NAALADL2: variants seen among roughly 807,000 people sequenced by gnomAD.
NAALADL2 encodes N-acetylated alpha-linked acidic dipeptidase like 2.
NAALADL2 carries 76 observed loss-of-function variants against 87.2 expected under a neutral mutation model. The observed-to-expected ratio is 0.87, with a 90% CI of 0.72 to 1.05. The LOEUF (loss-of-function observed/expected upper bound fraction) is 1.05. Among genes scored for constraint, NAALADL2 ranks in the 50% least tolerant of loss-of-function variants. NAALADL2 has a pLI of 0.00. For missense variants in NAALADL2, 1,089 were observed against 945.8 expected (o/e 1.15, Z -1.99); for synonymous variants, 354 against 331.0 (o/e 1.07, Z -0.75).
At chr3:174,443,859 A>G (rs907476030) in intron 1 of NAALADL2, among the ~76,000 whole-genome samples, 12 of 145,908 alleles carry the variant, frequency 8.2e-5, no homozygotes, top group Non-Finnish European at 1.6e-5. Context: ...AAAGATGAGG[A>G]TTGAGAATTA....
intron 2 of NAALADL2, among the ~76,000 whole-genome samples, chr3:174,599,435 C>G (rs1394392107): frequency 1.3e-5 from 2 of 151,938 alleles, no homozygotes; most frequent in Non-Finnish European, 2.9e-5. Context: ...GCTCTTGGTA[C>G]AAAAGACATA....
chr3:175,312,629 A>G (rs1032936023), intron 4 of NAALADL2, among the ~76,000 whole-genome samples: 1 of 152,184 alleles, frequency 6.6e-6, no homozygotes, highest in Non-Finnish European at 1.5e-5. Context: ...CAGTGAAAAG[A>G]TTACGAGACT....
intron 4 of NAALADL2, among the ~76,000 whole-genome samples, chr3:175,265,330 C>T (rs1350411366): frequency 6.6e-6 from 1 of 151,644 alleles, no homozygotes; most frequent in Admixed American, 6.6e-5. Flanking sequence ...AGCATAGTTA[C>T]TTTCATTTCT....
chr3:175,036,408 C>CTTT (rs553049096), intron 1 of NAALADL2, among the ~76,000 whole-genome samples: 1 of 144,962 alleles, frequency 6.9e-6, no homozygotes, highest in Non-Finnish European at 1.5e-5. Context: ...TTTTCTTTTT[C>CTTT]TTTTTTTTTG....
rs1359935508 is a variant in NAALADL2 at position 174,819,644 on chromosome 3, T to A, written c.-9+81898T>A. Among the ~76,000 whole-genome samples, 4 of 152,286 alleles carry A rather than the reference T, an allele frequency of 2.6e-5. No homozygotes were observed. In the East Asian group the frequency reaches 7.7e-4, roughly 30 times the overall value. On this transcript the variant is annotated intron_variant, in intron 3 of 3. Transcript: ENST00000434257. ...AGCCCATTATATTGTTGGGCACCTGTTCTTGATTGCAAGTTCTTTATAAAA... is the reference window on the plus strand; with the variant it reads ...AGCCCATTATATTGTTGGGCACCTGATCTTGATTGCAAGTTCTTTATAAAA...
intron 9 of NAALADL2, among the ~76,000 whole-genome samples, chr3:175,486,083 G>A (rs1727217297): frequency 6.7e-6 from 1 of 150,074 alleles, no homozygotes; most frequent in Non-Finnish European, 1.5e-5. Flanking sequence ...TTCTATTATA[G>A]CAGCCTGAAC....
intron 10 of NAALADL2, among the ~76,000 whole-genome samples, chr3:175,607,485 C>A (rs914300213): frequency 1.3e-5 from 2 of 151,978 alleles, no homozygotes; most frequent in African/African-American, 2.4e-5. Context: ...ACATATACAC[C>A]ATAAATAACC....
chr3:175,324,107 C>A, intron 4 of NAALADL2, 68 bp from the exon 5 acceptor site: 1 of 1,284,218 alleles, frequency 7.8e-7, no homozygotes, highest in Non-Finnish European at 1.1e-6. Flanking sequence ...GCCACATTGG[C>A]AAAATGGCAC....
intron 2 of NAALADL2, among the ~76,000 whole-genome samples, chr3:175,198,524 T>A (rs2109114747): frequency 6.6e-6 from 1 of 152,214 alleles, no homozygotes; most frequent in South Asian, 2.1e-4. Flanking sequence ...TGCACACTTC[T>A]AGGATTTATA....
intron 1 of NAALADL2, among the ~76,000 whole-genome samples, chr3:175,070,109 A>G (rs536645299): frequency 1.3e-3 from 194 of 151,116 alleles, no homozygotes; most frequent in African/African-American, 4.3e-3. Context: ...ACATGTATAC[A>G]TATGTAACTA....
At chr3:175,744,889 A>G (rs1428503643) in intron 12 of NAALADL2, among the ~76,000 whole-genome samples, 1 of 152,080 alleles carries the variant, frequency 6.6e-6, no homozygotes, top group Non-Finnish European at 1.5e-5. Flanking sequence ...ACAAGCTTAA[A>G]TTGTTGATAT....
chr3:174,620,978 C>A (rs1436075474), intron 2 of NAALADL2, among the ~76,000 whole-genome samples: 3 of 152,004 alleles, frequency 2.0e-5, no homozygotes, highest in Admixed American at 2.0e-4. Context: ...TATTTTACTG[C>A]TTCTAACCTT....
chr3:175,698,649 C>G (rs926752338), intron 11 of NAALADL2, among the ~76,000 whole-genome samples: 1 of 151,076 alleles, frequency 6.6e-6, no homozygotes, highest in Admixed American at 6.6e-5. Context: ...TAAGAATAGA[C>G]AAATTTAATA....
rs908907377 is a variant in NAALADL2, at chr3:174,580,343, A to G, written c.-115+29706A>G. On this transcript the variant is annotated intron_variant, in intron 2 of 3. Coordinates refer to the NAALADL2 transcript ENST00000434257. The stretch of plus-strand genomic sequence containing the variant: ...CAAAAATATTTTCAAAGTGAGAAAC[A>G]AACGTATGGCTAAGTTTAATAATTT... 5.9e-5 allele frequency among the ~76,000 whole-genome samples: 9 copies of G among 152,132 alleles called. 1 individual carries two copies. The highest frequency in any genetic ancestry group is 2.2e-4 in the African/African-American group (9 of 41,466).
chr3:175,059,932 G>T, intron 1 of NAALADL2: 2 of 411,960 alleles, frequency 4.9e-6, no homozygotes, highest in South Asian at 4.1e-5. Flanking sequence ...TGCCACATCT[G>T]CTTGTGGTGG....
intron 1 of NAALADL2, among the ~76,000 whole-genome samples, chr3:174,950,944 C>T (rs971818202): frequency 2.0e-5 from 3 of 151,976 alleles, no homozygotes; most frequent in South Asian, 4.1e-4. Flanking sequence ...CTCTTTTCCT[C>T]TCTACTTGTC....
At chr3:175,083,086 A>C (rs1718197895) in intron 1 of NAALADL2, among the ~76,000 whole-genome samples, 3 of 152,188 alleles carry the variant, frequency 2.0e-5, no homozygotes, top group Admixed American at 2.0e-4. Context: ...GGCATATGTA[A>C]ATAACAACTT....
chr3:175,161,289 T>C (rs181270143), intron 2 of NAALADL2, among the ~76,000 whole-genome samples: 74 of 151,626 alleles, frequency 4.9e-4, no homozygotes, highest in Admixed American at 1.4e-3. Flanking sequence ...AGATAATAAG[T>C]AGCTCACAAA....
intron 2 of NAALADL2, among the ~76,000 whole-genome samples, chr3:175,190,804 G>A (rs1027484951): frequency 6.6e-6 from 1 of 151,720 alleles, no homozygotes; most frequent in Non-Finnish European, 1.5e-5. Flanking sequence ...GTGAAACCCC[G>A]TCTCTACTAA....
Sources: gnomAD v4.1 joint callset for allele counts (sites outside exome capture counted in the v4.1 genomes callset) on GRCh38, gnomAD v4.1.1 for gene constraint, MANE v1.5 for transcripts, NCBI Gene and HGNC (gene_info 2026-07-23, HGNC 2026-07-21) for gene names.